Variants in ALG9 observed in about 807,000 individuals in gnomAD.
ALG9 encodes ALG9 alpha-1,2-mannosyltransferase, also known as alpha-1,2-mannosyltransferase ALG9.
A neutral mutation model predicts 81.8 loss-of-function variants in ALG9; 55 were observed. That is an observed-to-expected ratio of 0.67 (90% CI 0.54 to 0.84). The LOEUF is 0.84. ALG9 is among the 40% of genes least tolerant of loss of function. The pLI, the probability that ALG9 is intolerant of heterozygous loss-of-function variation, is 0.00. For missense variants in ALG9, 629 were observed against 745.0 expected (o/e 0.84, Z 1.81); for synonymous variants, 278 against 274.3 (o/e 1.01, Z -0.13).
In ALG9 at chr11:111,840,647, A is replaced by T; in HGVS notation, c.1173+8T>A. ...AATGAGGCAGATACACTTCTCCCTG[A>T]AACTCACCTGAAGTGCAGAGAGAGC... On this transcript the variant is annotated splice_region_variant and intron_variant, in intron 10 of 14. Transcript: ENST00000616540. 1.9e-6 allele frequency: 3 copies of T among 1,614,152 alleles called. No individual in the cohort carries two copies. Among genetic ancestry groups the T allele is most frequent in the Non-Finnish European group, 1.7e-6 (2 of 1,179,990 alleles).
chr11:111,811,239 T>C (rs1381891681), intron 13 of ALG9, among the ~76,000 whole-genome samples: 1 of 152,078 alleles, frequency 6.6e-6, no homozygotes, highest in East Asian at 1.9e-4. Context: ...AAGTGCTCCA[T>C]AAAAAAGTAT....
intron 9 of ALG9, among the ~76,000 whole-genome samples, chr11:111,843,005 G>A (rs7131095): frequency 0.033 from 4,945 of 152,060 alleles, 256 homozygotes; most frequent in African/African-American, 0.11. Context: ...GAGTGGTCTC[G>A]AACTCCTGGG....
intron 13 of ALG9, among the ~76,000 whole-genome samples, chr11:111,818,387 T>C (rs1006093986): frequency 6.6e-6 from 1 of 152,220 alleles, no homozygotes; most frequent in Non-Finnish European, 1.5e-5. Flanking sequence ...AATAATCTTG[T>C]GGGACCACCA....
the ALG9 span, among the ~76,000 whole-genome samples, chr11:111,775,847 A>G: frequency 1.3e-5 from 2 of 152,254 alleles, no homozygotes; most frequent in Admixed American, 1.3e-4. Flanking sequence ...AGGTTATGAA[A>G]TAGGGACTAT....
downstream of ALG9, among the ~76,000 whole-genome samples, chr11:111,780,287 A>T (rs1356775400): frequency 6.6e-6 from 1 of 152,204 alleles, no homozygotes; most frequent in Non-Finnish European, 1.5e-5. Context: ...TTTTGTAAAG[A>T]AGCACTTGTA....
intron 13 of ALG9, among the ~76,000 whole-genome samples, chr11:111,818,259 A>G (rs1951819066): frequency 6.6e-6 from 1 of 152,186 alleles, no homozygotes; most frequent in African/African-American, 2.4e-5. Context: ...AACGAGGGAG[A>G]CAGGTTTTGA....
At chr11:111,814,799 A>T (rs1216047715) in intron 13 of ALG9, 1 of 152,248 alleles carries the variant, frequency 6.6e-6, no homozygotes, top group Non-Finnish European at 1.5e-5. Context: ...GATCCTTTGC[A>T]TAAACACTTC....
downstream of ALG9, among the ~76,000 whole-genome samples, chr11:111,780,477 A>G (rs181676689): frequency 9.4e-3 from 1,420 of 151,358 alleles, 22 homozygotes; most frequent in African/African-American, 0.033. Flanking sequence ...GCTCACTGCA[A>G]CCTCCACCTC....
At chr11:111,871,264 G>A in intron 1 of ALG9, 88 bp downstream of exon 1, 3 of 1,333,980 alleles carry the variant, frequency 2.2e-6, no homozygotes, top group South Asian at 4.0e-5. Context: ...GCCGGACTGA[G>A]CCCCGCGCGC....
rs1946179471 is a variant in ALG9, at chr11:111,783,892, T to A, written c.*2505A>T. 7.3e-6 allele frequency: 1 copy of A among 136,534 alleles called. No individual in the cohort carries two copies. The highest frequency in any genetic ancestry group is 1.6e-5 in the Non-Finnish European group (1 of 61,750). The allele number at this position is 136,534 out of a possible 1,614,324, so 8.5% of individuals were successfully genotyped here. A position where few individuals can be genotyped will look rare whatever the true frequency, so the allele number is the denominator to read the frequency against. ...CCCTGCATCAGTCCTGGCCTTTCTT[T>A]GCGCTATATTATAATTAAGGTTTTG... On this transcript the variant is annotated 3_prime_UTR_variant, in exon 15 of 15. Transcript: ENST00000616540.
Position 111,871,538 on chromosome 11 carries a change from C to A in ALG9, c.-56G>T. The A allele has an allele frequency of 6.5e-7, 1 of 1,534,400 alleles. No individual in the cohort carries two copies. Among genetic ancestry groups the A allele is most frequent in the Non-Finnish European group, 8.7e-7 (1 of 1,145,876 alleles). ...CCTATGAAGTCGGTGAGCGCGCAGA[C>A]ATAGCTTTGGCTGGCAAACGGTGTC... On this transcript the variant is annotated 5_prime_UTR_variant, in exon 1 of 15. It removes an upstream start codon present in the reference 5' UTR. Coordinates refer to ENST00000616540, the MANE Select transcript of ALG9 (RefSeq NM_024740.2).
At chr11:111,790,907 T>C (rs1947300579) in intron 14 of ALG9, among the ~76,000 whole-genome samples, 1 of 152,192 alleles carries the variant, frequency 6.6e-6, no homozygotes, top group African/African-American at 2.4e-5. Flanking sequence ...CAGTACCAAT[T>C]AAAACAAAAA....
intron 13 of ALG9, among the ~76,000 whole-genome samples, chr11:111,826,116 T>C (rs1555108244): frequency 7.2e-6 from 1 of 138,954 alleles, no homozygotes; most frequent in East Asian, 2.2e-4. Context: ...CCAGGTGCAG[T>C]GGCACATGCC....
At chr11:111,780,954 C>T (rs1206377533), downstream of ALG9, among the ~76,000 whole-genome samples, 1 of 152,078 alleles carries the variant, frequency 6.6e-6, no homozygotes, top group Non-Finnish European at 1.5e-5. Context: ...ATTAAGGACA[C>T]TGGGTAATCA....
intron 2 of ALG9, 98 bp from the exon 3 acceptor site, chr11:111,868,834 A>G: frequency 7.7e-7 from 1 of 1,296,234 alleles, no homozygotes; most frequent in Non-Finnish European, 1.0e-6. Flanking sequence ...TTAAAAACAA[A>G]GGCAAGCCAG....
At chr11:111,846,311 A>C (rs374480487) in intron 8 of ALG9, among the ~76,000 whole-genome samples, 1 of 152,212 alleles carries the variant, frequency 6.6e-6, no homozygotes, top group South Asian at 2.1e-4. Flanking sequence ...TAGAGTGACC[A>C]GACAGAAAAG....
chr11:111,822,455 T>C (rs1952577961), intron 13 of ALG9, among the ~76,000 whole-genome samples: 1 of 144,514 alleles, frequency 6.9e-6, no homozygotes, highest in Admixed American at 7.0e-5. Flanking sequence ...CTCACACCTG[T>C]AATTGTAACA....
intron 14 of ALG9, among the ~76,000 whole-genome samples, chr11:111,808,819 C>T (rs368809309): frequency 2.0e-4 from 30 of 152,298 alleles, no homozygotes; most frequent in African/African-American, 6.7e-4. Flanking sequence ...ACACCTTGAC[C>T]CCTCCAACTC....
At chr11:111,815,426 C>T (rs1381988681) in intron 13 of ALG9, among the ~76,000 whole-genome samples, 2 of 152,020 alleles carry the variant, frequency 1.3e-5, no homozygotes, top group African/African-American at 2.4e-5. Context: ...AAGAAAGACA[C>T]CGAAGCAAAA....
Sources: allele counts gnomAD v4.1 joint callset (sites outside exome capture counted in the v4.1 genomes callset), GRCh38; gene constraint gnomAD v4.1.1; transcripts MANE v1.5; gene names NCBI Gene and HGNC (gene_info 2026-07-23, HGNC 2026-07-21).